GPC5: variants seen among roughly 807,000 people sequenced by gnomAD.
GPC5 encodes the protein glypican 5.
GPC5 carries 47 observed loss-of-function variants against 53.9 expected under a neutral mutation model. That is an observed-to-expected ratio of 0.87 (90% CI 0.69 to 1.11). GPC5 has a LOEUF of 1.11. GPC5 is among the 50% of genes most tolerant of loss of function. The probability of loss-of-function intolerance (pLI) is 0.00; values close to 1 mark genes in which losing one functional copy is unlikely to be tolerated. For synonymous variants in GPC5, 286 were observed against 263.3 expected, an observed-to-expected ratio of 1.09 and a Z score of -0.84; for missense variants, 748 against 713.1, an observed-to-expected ratio of 1.05 and a Z score of -0.56.
intron 7 of GPC5, among the ~76,000 whole-genome samples, chr13:92,470,466 A>G (rs989492112): frequency 1.3e-5 from 2 of 151,980 alleles, no homozygotes; most frequent in Non-Finnish European, 2.9e-5. Context: ...TTTTCTATGT[A>G]TTTTCTCCTT....
intron 6 of GPC5, among the ~76,000 whole-genome samples, chr13:92,003,302 C>T (rs1217713279): frequency 1.6e-5 from 2 of 123,204 alleles, no homozygotes; most frequent in Non-Finnish European, 3.2e-5. Flanking sequence ...GCCTGGGCAA[C>T]AGAGTGAGTC....
chr13:91,676,636 T>C (rs569501886), intron 2 of GPC5, among the ~76,000 whole-genome samples: 1 of 152,172 alleles, frequency 6.6e-6, no homozygotes, highest in Non-Finnish European at 1.5e-5. Context: ...CACAGAGTAG[T>C]GAATGTGAAT....
At chr13:92,631,517 A>G (rs1257440946) in intron 7 of GPC5, among the ~76,000 whole-genome samples, 1 of 152,180 alleles carries the variant, frequency 6.6e-6, no homozygotes, top group Non-Finnish European at 1.5e-5. Flanking sequence ...CATATGGAAG[A>G]TGATATCAGA....
chr13:91,835,388 A>T (rs558525079), intron 5 of GPC5, among the ~76,000 whole-genome samples: 3 of 152,334 alleles, frequency 2.0e-5, no homozygotes, highest in African/African-American at 7.2e-5. Context: ...ATTACTGGGT[A>T]TATACCCAAA....
intron 6 of GPC5, among the ~76,000 whole-genome samples, chr13:92,080,361 A>G (rs1292580053): frequency 2.6e-5 from 4 of 152,178 alleles, no homozygotes; most frequent in African/African-American, 9.7e-5. Context: ...TCAGCTCCAG[A>G]CATGTGTATA....
In GPC5 at chr13:91,815,638, A is replaced by G. The variant is rs146716101; in HGVS notation, c.1280+59218A>G. 2.6e-3 allele frequency among the ~76,000 whole-genome samples: 400 copies of G among 152,216 alleles called. 7 individuals carry two copies. The highest frequency in any genetic ancestry group is 9.1e-3 in the African/African-American group (376 of 41,540). ...GGTATCCTCCCTCCAGCTGCTGTCA[A>G]TGACACCACCAGGCTCAGCTCTGCC... On this transcript the variant is annotated intron_variant, in intron 5 of 7. Coordinates refer to ENST00000377067, the MANE Select transcript of GPC5 (RefSeq NM_004466.6).
intron 5 of GPC5, among the ~76,000 whole-genome samples, chr13:91,783,128 C>A (rs1428140858): frequency 6.6e-6 from 1 of 152,040 alleles, no homozygotes; most frequent in African/African-American, 2.4e-5. Context: ...GTGGTGGACA[C>A]CTGTAATCCC....
At chr13:92,043,223 A>G (rs1451201700) in intron 6 of GPC5, among the ~76,000 whole-genome samples, 2 of 152,244 alleles carry the variant, frequency 1.3e-5, no homozygotes, top group Admixed American at 1.3e-4. Flanking sequence ...GTGGTTGAAA[A>G]CAAAGGAGCA....
At chr13:91,731,199 T>C (rs2036689782) in intron 4 of GPC5, among the ~76,000 whole-genome samples, 1 of 152,202 alleles carries the variant, frequency 6.6e-6, no homozygotes, top group Non-Finnish European at 1.5e-5. Flanking sequence ...TGTCAGGACA[T>C]ATTTGGATTT....
intron 7 of GPC5, among the ~76,000 whole-genome samples, chr13:92,412,414 A>T (rs1353601487): frequency 6.6e-6 from 1 of 152,200 alleles, no homozygotes; most frequent in Non-Finnish European, 1.5e-5. Flanking sequence ...AGTAAATGAT[A>T]TCGTGTGTTC....
At chr13:92,279,562 C>T (rs74971753) in intron 7 of GPC5, among the ~76,000 whole-genome samples, 1 of 151,924 alleles carries the variant, frequency 6.6e-6, no homozygotes, top group Non-Finnish European at 1.5e-5. Context: ...GTTCCTGACC[C>T]TAAAAGCAAA....
chr13:92,038,357 T>C (rs1314322317), intron 6 of GPC5, among the ~76,000 whole-genome samples: 1 of 18,108 alleles, frequency 5.5e-5, no homozygotes, highest in Non-Finnish European at 1.0e-4. Flanking sequence ...GCTAGATAGA[T>C]AGATAGATAG....
intron 6 of GPC5, among the ~76,000 whole-genome samples, chr13:92,094,006 C>A (rs1285670110): frequency 1.3e-5 from 2 of 152,100 alleles, no homozygotes; most frequent in Non-Finnish European, 2.9e-5. Flanking sequence ...AATGACATGT[C>A]ATTGAAATTA....
chr13:92,295,125 C>T (rs925657372), intron 7 of GPC5, among the ~76,000 whole-genome samples: 2 of 152,034 alleles, frequency 1.3e-5, no homozygotes, highest in Non-Finnish European at 2.9e-5. Context: ...CCACCATGCC[C>T]GGCCCAAACT....
chr13:91,433,050 T>G lies in GPC5; in HGVS notation c.164-15711T>G, dbSNP rs80043244. On this transcript the variant is annotated intron_variant, in intron 1 of 7. Transcript: ENST00000377067. The stretch of plus-strand genomic sequence containing the variant: ...AAGAAGACAAAGGTGGTTCTTATCC[T>G]ATTGGAGCTCATAGTCTTGGAAGAG... 3.8e-3 allele frequency among the ~76,000 whole-genome samples: 581 copies of G among 152,290 alleles called. 4 individuals carry two copies. The highest frequency in any genetic ancestry group is 0.013 in the African/African-American group (547 of 41,580).
At chr13:91,648,997 A>T (rs1416572603) in intron 2 of GPC5, among the ~76,000 whole-genome samples, 1 of 152,118 alleles carries the variant, frequency 6.6e-6, no homozygotes, top group African/African-American at 2.4e-5. Context: ...GTAATCAAAT[A>T]ATGGGAGCGG....
At chr13:92,296,577 C>A (rs1165472393) in intron 7 of GPC5, among the ~76,000 whole-genome samples, 2 of 152,104 alleles carry the variant, frequency 1.3e-5, no homozygotes, top group African/African-American at 4.8e-5. Context: ...TTTGAGGAGC[C>A]CTTCAGCCCC....
At chr13:92,843,397 A>G (rs1878497954) in intron 7 of GPC5, among the ~76,000 whole-genome samples, 1 of 152,196 alleles carries the variant, frequency 6.6e-6, no homozygotes, top group Non-Finnish European at 1.5e-5. Context: ...AAGTTGATCC[A>G]AGTATCTCTG....
chr13:91,960,357 T>A (rs1232442084), intron 6 of GPC5, among the ~76,000 whole-genome samples: 2 of 151,800 alleles, frequency 1.3e-5, no homozygotes, highest in African/African-American at 2.4e-5. Context: ...TACTTAGTAA[T>A]AAATTTAACC....
Sources: allele counts gnomAD v4.1 joint callset (sites outside exome capture counted in the v4.1 genomes callset), GRCh38; gene constraint gnomAD v4.1.1; transcripts MANE v1.5; gene names NCBI Gene and HGNC (gene_info 2026-07-23, HGNC 2026-07-21).